The following SIK3 variants were observed in gnomAD, a reference collection of about 807,000 sequenced individuals.
The protein encoded by SIK3 is SIK family kinase 3.
In SIK3, 28 loss-of-function variants were observed where a neutral mutation model predicts 144.2. The ratio of observed to expected loss-of-function variants is 0.19; its 90% CI spans 0.14 to 0.27. The LOEUF (loss-of-function observed/expected upper bound fraction) is 0.27, where lower values mean the gene tolerates loss of function less well. Among genes scored for constraint, SIK3 ranks in the 10% least tolerant of loss-of-function variants. The pLI is 1.00. For missense variants in SIK3, 1,319 were observed against 1,776.0 expected (o/e 0.74, Z 4.62); for synonymous variants, 686 against 676.3 (o/e 1.01, Z -0.22).
intron 1 of SIK3, among the ~76,000 whole-genome samples, chr11:117,039,504 A>G (rs565266377): frequency 5.4e-4 from 82 of 152,380 alleles, no homozygotes; most frequent in Admixed American, 1.3e-3. Context: ...AAATGGTGCA[A>G]TGTACACTAC....
Position 116,875,365 on chromosome 11 carries a change from G to A in SIK3, c.1317+9C>T. On this transcript the variant is annotated intron_variant, in intron 10 of 24. Transcript: ENST00000445177. ...TTTCAGCTGACAGCTCCCACAGGTT[G>A]CTACTTGCCTCCACAATTTGGTTCT... is the stretch of plus-strand genomic sequence containing the variant. 1 of 1,614,088 alleles carries A rather than the reference G, an allele frequency of 6.2e-7. No homozygotes were observed. Among genetic ancestry groups the A allele is most frequent in the Non-Finnish European group, 8.5e-7 (1 of 1,179,964 alleles).
At chr11:116,941,921 T>C (rs1004270639) in intron 3 of SIK3, among the ~76,000 whole-genome samples, 2 of 152,180 alleles carry the variant, frequency 1.3e-5, no homozygotes, top group Non-Finnish European at 2.9e-5. Flanking sequence ...ATTCTGTTTG[T>C]AACATTAAAT....
intron 1 of SIK3, among the ~76,000 whole-genome samples, chr11:117,048,151 T>C (rs73576605): frequency 5.3e-5 from 8 of 152,334 alleles, no homozygotes; most frequent in African/African-American, 1.7e-4. Context: ...CTATACTTCA[T>C]CTTGGTACTA....
intron 16 of SIK3, among the ~76,000 whole-genome samples, chr11:116,863,378 G>C (rs1943454850): frequency 6.6e-6 from 1 of 152,118 alleles, no homozygotes; most frequent in African/African-American, 2.4e-5. Context: ...AGCCTCAGGA[G>C]TAGCTGGGAC....
At chr11:116,964,498 G>A (rs1949453616) in intron 1 of SIK3, among the ~76,000 whole-genome samples, 2 of 152,258 alleles carry the variant, frequency 1.3e-5, no homozygotes, top group South Asian at 2.1e-4. Flanking sequence ...TAGCCAACTC[G>A]AGACACAAGG....
At chr11:116,898,692 T>C (rs1358119946) in intron 4 of SIK3, among the ~76,000 whole-genome samples, 143 of 148,018 alleles carry the variant, frequency 9.7e-4, no homozygotes, top group African/African-American at 3.4e-3. Context: ...TGGTATCTCA[T>C]TGTGGTTTTG....
Position 116,859,616 on chromosome 11 carries a change from G to A in SIK3, c.2426-12C>T. The stretch of plus-strand genomic sequence containing the variant: ...AGAAGATGCAGCCCCTGGAGAGAAA[G>A]GAACCTCAGAGTGACCAAGTGCCCA... On this transcript the variant is annotated splice_polypyrimidine_tract_variant and intron_variant, in intron 19 of 24. Coordinates refer to ENST00000445177, the MANE Select transcript of SIK3 (RefSeq NM_001366686.3). 2 of 1,610,684 alleles carry A rather than the reference G, an allele frequency of 1.2e-6. No individual in the cohort carries two copies. Among genetic ancestry groups the A allele is most frequent in the South Asian group, 2.2e-5 (2 of 90,598 alleles).
intron 13 of SIK3, among the ~76,000 whole-genome samples, chr11:116,871,955 C>CA (rs1354868000): frequency 6.6e-6 from 1 of 152,092 alleles, no homozygotes; most frequent in Non-Finnish European, 1.5e-5. Flanking sequence ...GTGTAGAACT[C>CA]AGAGGAGCAT....
chr11:116,997,895 T>C (rs1319006628), intron 1 of SIK3, among the ~76,000 whole-genome samples: 1 of 152,216 alleles, frequency 6.6e-6, no homozygotes, highest in Non-Finnish European at 1.5e-5. Context: ...GGTCTCACTT[T>C]GTCACCCAGA....
intron 1 of SIK3, among the ~76,000 whole-genome samples, chr11:117,060,781 A>T (rs1591632341): frequency 6.6e-6 from 1 of 152,218 alleles, no homozygotes; most frequent in Non-Finnish European, 1.5e-5. Context: ...ATTCTAATGT[A>T]AACTATGAAT....
intron 1 of SIK3, among the ~76,000 whole-genome samples, chr11:117,016,406 A>AGGAAGGAAGGAAGGAAGGAAGGAG (rs1951539395): frequency 7.5e-6 from 1 of 133,886 alleles, no homozygotes; most frequent in African/African-American, 3.1e-5. Context: ...GAAGGAAGGA[A>AGGAAGGAAGGAAGGAAGGAAGGAG]GGAAGGAAGG....
intron 1 of SIK3, among the ~76,000 whole-genome samples, chr11:117,039,566 G>A (rs1289769497): frequency 6.6e-6 from 1 of 152,194 alleles, no homozygotes; most frequent in African/African-American, 2.4e-5. Flanking sequence ...TTGAGGGAGT[G>A]GAAGAAAACA....
At chr11:116,848,168 G>A (rs1358243572) in intron 22 of SIK3, among the ~76,000 whole-genome samples, 2 of 149,870 alleles carry the variant, frequency 1.3e-5, no homozygotes, top group Non-Finnish European at 3.0e-5. Context: ...CGAAAAATTA[G>A]CTGGGCTAAA....
chr11:117,021,948 A>C (rs112317370), intron 1 of SIK3, among the ~76,000 whole-genome samples: 19,175 of 127,854 alleles, frequency 0.15, 1,058 homozygotes, highest in African/African-American at 0.2. Flanking sequence ...AAAAAAAAAA[A>C]AAAAAAAAAA....
chr11:116,985,731 C>T (rs117672267), intron 1 of SIK3, among the ~76,000 whole-genome samples: 4 of 151,992 alleles, frequency 2.6e-5, no homozygotes, highest in East Asian at 1.9e-4. Flanking sequence ...ATAATGAACA[C>T]GAATCAAGAG....
At chr11:116,999,288 G>A (rs1950772477) in intron 1 of SIK3, among the ~76,000 whole-genome samples, 1 of 152,184 alleles carries the variant, frequency 6.6e-6, no homozygotes, top group African/African-American at 2.4e-5. Context: ...TGTACTAACA[G>A]AACAGACATT....
At position 117,030,111 on chromosome 11, in the gene SIK3, A is replaced by T. The variant is rs183339329; in HGVS notation, c.273+68032T>A. Among the ~76,000 whole-genome samples, 21 of 152,264 alleles carry T rather than the reference A, an allele frequency of 1.4e-4. No homozygotes were observed. In the East Asian group the frequency reaches 3.1e-3, roughly 22 times the overall value. ...CCTTGAGTGAAGGTGAGTAACATGA[A>T]CATTTATTTTCCTAGAGAAAGGAGA... On this transcript the variant is annotated intron_variant, in intron 1 of 24. Transcript: ENST00000445177.
intron 6 of SIK3, among the ~76,000 whole-genome samples, chr11:116,893,089 T>G (rs573762434): frequency 2.6e-5 from 4 of 152,000 alleles, no homozygotes; most frequent in African/African-American, 7.2e-5. Context: ...CACAGAGGAT[T>G]TGGGGGCAGT....
intron 1 of SIK3, among the ~76,000 whole-genome samples, chr11:117,020,593 T>C (rs1407364098): frequency 6.6e-6 from 1 of 152,114 alleles, no homozygotes; most frequent in African/African-American, 2.4e-5. Flanking sequence ...TGATAACCAA[T>C]GGCCAATGAC....
Sources: allele counts gnomAD v4.1 joint callset (sites outside exome capture counted in the v4.1 genomes callset), GRCh38; gene constraint gnomAD v4.1.1; transcripts MANE v1.5; gene names NCBI Gene and HGNC (gene_info 2026-07-23, HGNC 2026-07-21).